Variants in HSPD1 observed in about 807,000 individuals in gnomAD.
HSPD1 encodes the protein heat shock protein family D (Hsp60) member 1, also known as 60 kDa heat shock protein, mitochondrial.
A neutral mutation model predicts 53.0 loss-of-function variants in HSPD1; 3 were observed. The ratio of observed to expected loss-of-function variants is 0.06; its 90% CI spans 0.03 to 0.15. HSPD1 has a LOEUF of 0.15. Ranked by LOEUF, HSPD1 falls within the 10% of genes least tolerant of loss-of-function variation. The pLI, the probability that HSPD1 is intolerant of heterozygous loss-of-function variation, is 1.00. For synonymous variants in HSPD1, 200 were observed against 228.0 expected, an observed-to-expected ratio of 0.88 and a Z score of 1.10; for missense variants, 431 against 694.1, an observed-to-expected ratio of 0.62 and a Z score of 4.26.
intron 1 of HSPD1, chr2:197,499,203 C>T (rs1478291004): frequency 1.1e-5 from 4 of 374,136 alleles, no homozygotes; most frequent in Non-Finnish European, 2.0e-5. Flanking sequence ...CCAAGTCAGC[C>T]GGAGAGAGGC....
intron 3 of HSPD1, 158 bp downstream of exon 3, chr2:197,496,982 T>C: frequency 1.4e-6 from 1 of 736,270 alleles, no homozygotes; most frequent in Non-Finnish European, 2.4e-6. Flanking sequence ...ACAGCCAAGC[T>C]TGCTAAAGGA....
At chr2:197,496,481 C>T (rs2086158494) in intron 3 of HSPD1, among the ~76,000 whole-genome samples, 1 of 152,142 alleles carries the variant, frequency 6.6e-6, no homozygotes, top group Non-Finnish European at 1.5e-5. Context: ...AAGAGGGTTC[C>T]TGGTTTGAAC....
intron 4 of HSPD1, chr2:197,494,954 T>C: frequency 3.3e-6 from 2 of 614,648 alleles, no homozygotes; most frequent in Non-Finnish European, 5.8e-6. Context: ...TTGAAGAATA[T>C]GATACATAAA....
Position 197,487,080 on chromosome 2 carries a change from C to G in HSPD1, c.1688G>C (p.Gly563Ala), listed in dbSNP as rs41265953. Residue 563 changes from glycine (G) to alanine (A), a missense_variant, in exon 12 of 12, where the codon GGA (glycine) becomes GCA (alanine). Physicochemically the swap from Gly to Ala is moderately conservative, Grantham distance 60. This residue lies in a region of HSPD1 where 386 missense variants were observed against 657.6 expected (regional missense o/e 0.59). Coordinates refer to ENST00000388968, the MANE Select transcript of HSPD1 (RefSeq NM_002156.5). ...GCCACCTCCCATACCACCTCCCATT[C>G]CACCCATTGCACCCATTCCAGGGTC... ...EKDPGMGAMG[G>A]MGGGMGGGMF is the part of the protein sequence containing the mutation. 29,828 of 1,526,954 alleles carry G rather than the reference C, an allele frequency of 0.02. 399 individuals carry two copies. The highest frequency in any genetic ancestry group is 0.021 in the Non-Finnish European group (23,401 of 1,100,662). 94.6% of individuals were successfully genotyped at this position (1,526,954 alleles called of 1,614,324 possible). A position where few individuals can be genotyped will look rare whatever the true frequency, so the allele number is the denominator to read the frequency against.
chr2:197,499,443 G>A (rs1048522138), intron 1 of HSPD1: 2 of 144,346 alleles, frequency 1.4e-5, no homozygotes, highest in African/African-American at 3.2e-5. Context: ...AGCTGCCTGC[G>A]GGGGAAAAAA....
chr2:197,497,287 C>T lies in HSPD1; in HGVS notation c.280G>A (p.Gly94Arg). The T allele has an allele frequency of 6.2e-7, 1 of 1,613,858 alleles. No homozygotes were observed. The highest frequency in any genetic ancestry group is 8.5e-7 in the Non-Finnish European group (1 of 1,179,758). Residue 94 changes from glycine to arginine, a missense_variant, in exon 3 of 12, where the codon GGA becomes AGA. Coordinates refer to ENST00000388968, the MANE Select transcript of HSPD1 (RefSeq NM_002156.5). Reference sequence around the variant, plus strand: ...GCAACATCTTGAACAAGTTTAGCTCCAATGTTTTTGTATTTATCTTTTAAG... The same window carrying T: ...GCAACATCTTGAACAAGTTTAGCTCTAATGTTTTTGTATTTATCTTTTAAG... ...IDLKDKYKNI[G>R]AKLVQDVANN...
intron 4 of HSPD1, chr2:197,495,036 A>G (rs370492605): frequency 1.2e-5 from 7 of 597,476 alleles, no homozygotes; most frequent in African/African-American, 1.1e-4. Flanking sequence ...CACCTTTGAC[A>G]ATGGCTAAGA....
intron 2 of HSPD1, 87 bp downstream of exon 2, chr2:197,498,588 A>C: frequency 8.6e-7 from 1 of 1,165,420 alleles, no homozygotes; most frequent in Non-Finnish European, 1.3e-6. Context: ...TGGAGATGAA[A>C]GTACTGTTGA....
Position 197,488,998 on chromosome 2 carries a change from T to C in HSPD1, c.1215+4A>G. ...AGAAACTTATTCATAATAATGAATG[T>C]TACCTTCAGCACAGCCACTCCATCT... On this transcript the variant is annotated splice_donor_region_variant and intron_variant, in intron 9 of 11. Transcript: ENST00000388968. The C allele has an allele frequency of 6.2e-7, 1 of 1,613,964 alleles. No homozygotes were observed. Among genetic ancestry groups the C allele is most frequent in the East Asian group, 2.2e-5 (1 of 44,884 alleles).
chr2:197,495,256 A>T, intron 4 of HSPD1, 38 bp downstream of exon 4: 4 of 1,278,454 alleles, frequency 3.1e-6, no homozygotes, highest in South Asian at 1.2e-5. Context: ...ATGCCATTAA[A>T]TTTTTTTTAA....
chr2:197,500,253 G>T, upstream of HSPD1: 1 of 740,114 alleles, frequency 1.4e-6, no homozygotes, highest in Non-Finnish European at 2.3e-6. Flanking sequence ...CCCTTGGGGC[G>T]AATCGCGGTG....
rs778859402 is a variant in HSPD1 at position 197,489,251 on chromosome 2, CAA to C, written c.970-6_970-5del. The C allele has an allele frequency of 5.6e-6, 9 of 1,613,988 alleles. No individual in the cohort carries two copies. The highest frequency in any genetic ancestry group is 3.3e-5 in the South Asian group (3 of 91,084). On this transcript the variant is annotated splice_region_variant and splice_polypyrimidine_tract_variant and intron_variant, in intron 8 of 11. Transcript: ENST00000388968. Reference sequence around the variant, plus strand: ...TCAATCCCTCTTCTCCAAACACCTACAAAAAGAGTTAAACGTAAACCTGTTGT... The same window carrying C: ...TCAATCCCTCTTCTCCAAACACCTACAAAGAGTTAAACGTAAACCTGTTGT...
Position 197,495,489 on chromosome 2 carries a change from ATTTTTT to A in HSPD1, c.428-119_428-114del, listed in dbSNP as rs879711936. 5.6e-6 allele frequency: 3 copies of A among 538,278 alleles called. No individual in the cohort carries two copies. The Admixed American group carries it at 9.4e-5, about 17-fold the overall frequency. 33.3% of individuals were successfully genotyped at this position (538,278 alleles called of 1,614,324 possible). On this transcript the variant is annotated intron_variant, in intron 3 of 11. Coordinates refer to ENST00000388968, the MANE Select transcript of HSPD1 (RefSeq NM_002156.5). ...TTAATGCCTTAACTTAAAAAAAAAA[ATTTTTT>A]TTTTTTTTGAGACAGGGTCTTGTTC...
intron 8 of HSPD1, among the ~76,000 whole-genome samples, 178 bp from the exon 9 acceptor site, chr2:197,489,425 C>G (rs1373926649): frequency 6.6e-6 from 1 of 152,154 alleles, no homozygotes; most frequent in Admixed American, 6.6e-5. Context: ...ACTGCATTTC[C>G]AAATTCTCAA....
chr2:197,488,251 G>A lies in HSPD1; in HGVS notation c.1390+66C>T, dbSNP rs1024475240. The A allele has an allele frequency of 5.0e-6, 7 of 1,404,108 alleles. No individual in the cohort carries two copies. In the African/African-American group the frequency reaches 1.0e-4, roughly 20 times the overall value. 87.0% of individuals were successfully genotyped at this position (1,404,108 alleles called of 1,614,324 possible). On this transcript the variant is annotated intron_variant, in intron 10 of 11. Coordinates refer to ENST00000388968, the MANE Select transcript of HSPD1 (RefSeq NM_002156.5). ...AATGTGCTATTCCATTTAGGGGACT[G>A]CAACATTATTATTCTAAGAAAAACT...
chr2:197,490,371 C>T lies in HSPD1; in HGVS notation c.870-75G>A, dbSNP rs1020395957. On this transcript the variant is annotated intron_variant, in intron 7 of 11. Coordinates refer to ENST00000388968, the MANE Select transcript of HSPD1 (RefSeq NM_002156.5). Reference sequence around the variant, plus strand: ...CTGTTTAATTCCCCTCAAGCTGTTACTAGATTACTTAGGACTCCCTAAGTA... The same window carrying T: ...CTGTTTAATTCCCCTCAAGCTGTTATTAGATTACTTAGGACTCCCTAAGTA... 5 of 1,167,198 alleles carry T rather than the reference C, an allele frequency of 4.3e-6. No individual in the cohort carries two copies. In the African/African-American group the frequency reaches 4.6e-5, roughly 11 times the overall value. 72.3% of individuals were successfully genotyped at this position (1,167,198 alleles called of 1,614,324 possible).
upstream of HSPD1, chr2:197,499,883 C>T (rs1461173531): frequency 6.5e-6 from 1 of 153,358 alleles, no homozygotes; most frequent in Non-Finnish European, 1.5e-5. Flanking sequence ...GTGTCCCCTC[C>T]CTCCGCCTCT....
rs914158050 is a variant in HSPD1, at chr2:197,486,829, A to G, written c.*217T>C. On this transcript the variant is annotated 3_prime_UTR_variant, in exon 12 of 12. Transcript: ENST00000388968. ...AGGAATGTACAAATGTTTTTTATTCAAAAATACAAAATAAATTATCTGTAG... is the reference window on the plus strand; with the variant it reads ...AGGAATGTACAAATGTTTTTTATTCGAAAATACAAAATAAATTATCTGTAG... 113 of 550,442 alleles carry G rather than the reference A, an allele frequency of 2.1e-4. No individual in the cohort carries two copies. The highest frequency in any genetic ancestry group is 1.7e-3 in the African/African-American group (89 of 52,726). The allele number at this position is 550,442 out of a possible 1,614,324, so 34.1% of individuals were successfully genotyped here. A position where few individuals can be genotyped will look rare whatever the true frequency, so the allele number is the denominator to read the frequency against.
In HSPD1 at chr2:197,497,237, C is replaced by T. The variant is rs1295453886; in HGVS notation, c.330G>A (p.Gly110=). Residue 110 remains glycine, a synonymous_variant, in exon 3 of 12, where the codon GGG becomes GGA. Coordinates refer to ENST00000388968, the MANE Select transcript of HSPD1 (RefSeq NM_002156.5). ...DVANNTNEEA[G]DGTTTATVLA... is the part of the protein sequence containing the mutation. ...GTACAGTAGCAGTGGTAGTGCCATC[C>T]CCAGCTTCTTCATTTGTGTTATTGG... is the stretch of plus-strand genomic sequence containing the variant. The T allele has an allele frequency of 2.5e-6, 4 of 1,614,004 alleles. No individual in the cohort carries two copies. The highest frequency in any genetic ancestry group is 1.3e-5 in the African/African-American group (1 of 75,048).
Sources: allele counts gnomAD v4.1 joint callset (sites outside exome capture counted in the v4.1 genomes callset), GRCh38; gene constraint gnomAD v4.1.1; regional missense constraint gnomAD v4.1.1; transcripts MANE v1.5; gene names NCBI Gene and HGNC (gene_info 2026-07-23, HGNC 2026-07-21).